SCN10A: variants seen among roughly 807,000 people sequenced by gnomAD.
SCN10A encodes the protein sodium channel protein type 10 subunit alpha.
SCN10A carries 162 observed loss-of-function variants against 170.7 expected under a neutral mutation model. That is an observed-to-expected ratio of 0.95 (90% CI 0.84 to 1.08). The LOEUF (loss-of-function observed/expected upper bound fraction) is 1.08. SCN10A is among the 50% of genes least tolerant of loss of function. SCN10A has a pLI of 0.00. For missense variants in SCN10A, 2,527 were observed against 2,436.9 expected, an observed-to-expected ratio of 1.04 and a Z score of -0.78; for synonymous variants, 985 against 904.6, an observed-to-expected ratio of 1.09 and a Z score of -1.59.
intron 21 of SCN10A, among the ~76,000 whole-genome samples, chr3:38,716,426 C>A (rs967267956): frequency 6.6e-6 from 1 of 152,012 alleles, no homozygotes; most frequent in Non-Finnish European, 1.5e-5. Context: ...TTTCCCTGCC[C>A]AACCTCTCTC....
At chr3:38,713,544 A>G (rs1450402892) in intron 22 of SCN10A, among the ~76,000 whole-genome samples, 1 of 152,072 alleles carries the variant, frequency 6.6e-6, no homozygotes, top group East Asian at 1.9e-4. Context: ...AAAGAGAACT[A>G]AGAGAGTTAG....
chr3:38,729,987 A>G (rs1488565615), intron 15 of SCN10A, among the ~76,000 whole-genome samples: 3 of 152,190 alleles, frequency 2.0e-5, no homozygotes, highest in African/African-American at 7.2e-5. Context: ...CTCTCCTCAT[A>G]TGGGAAGCAG....
In SCN10A at chr3:38,760,694, C is replaced by A. The variant is rs1028863903; in HGVS notation, c.937G>T (p.Gly313Ter). The A allele has an allele frequency of 6.8e-6, 11 of 1,613,810 alleles. No homozygotes were observed. The South Asian group carries it at 1.2e-4, about 18-fold the overall frequency. ...TTGGGAACTCACCCTGAGTCAGATCCATTGCCACACAGTAAGGGGTCAGAA... is the reference window on the plus strand; with the variant it reads ...TTGGGAACTCACCCTGAGTCAGATCAATTGCCACACAGTAAGGGGTCAGAA... ...GTSDPLLCGN[G>*]SDSGHCPDGY... Residue 313 changes from glycine (G) to a stop codon, truncating the protein, a stop_gained, in exon 8 of 28, where the codon GGA becomes TGA. Transcript: ENST00000449082. LOFTEE classifies it high-confidence loss of function.
At chr3:38,704,286 C>A (rs926983748) in intron 26 of SCN10A, among the ~76,000 whole-genome samples, 2 of 152,214 alleles carry the variant, frequency 1.3e-5, no homozygotes, top group Admixed American at 6.5e-5. Context: ...TGGCTCACAT[C>A]TTTCCTGGGG....
At position 38,752,314 on chromosome 3, in the gene SCN10A, G is replaced by T. The variant is rs2126023579; in HGVS notation, c.1660C>A (p.Leu554Ile). The change falls in exon 12 of 28, where the codon CTT becomes ATT. Residue 554 changes from leucine (L) to isoleucine (I), a missense_variant. Physicochemically the swap from Leu to Ile is conservative, Grantham distance 5. Transcript: ENST00000449082. ...GQQGPLPRSP[L>I]PQPSNPDSRH... ...GAGTCAGGGTTGCTGGGTTGAGGAA[G>T]AGGGCTTCTAGGGAGGGGGCCTTGC... The T allele has an allele frequency of 1.9e-6, 3 of 1,611,098 alleles. No individual in the cohort carries two copies. The highest frequency in any genetic ancestry group is 3.4e-5 in the Admixed American group (2 of 59,608).
intron 10 of SCN10A, 92 bp from the exon 11 acceptor site, chr3:38,756,050 A>G (rs1192252098): frequency 1.4e-6 from 2 of 1,393,656 alleles, no homozygotes; most frequent in African/African-American, 2.8e-5. Context: ...GGGGTGAGAG[A>G]TCTGAAACAG....
chr3:38,787,295 G>C (rs1368112360), intron 4 of SCN10A, among the ~76,000 whole-genome samples: 5 of 151,926 alleles, frequency 3.3e-5, no homozygotes, highest in Non-Finnish European at 7.4e-5. Context: ...AGTGTAAATG[G>C]TATTTTTAAA....
At chr3:38,740,079 T>C (rs1389365211) in intron 14 of SCN10A, among the ~76,000 whole-genome samples, 13 of 152,252 alleles carry the variant, frequency 8.5e-5, no homozygotes, top group Non-Finnish European at 1.6e-4. Context: ...TCCTAGCTTA[T>C]GTAAGCTTGG....
At chr3:38,757,834 A>C (rs1293106910) in intron 8 of SCN10A, among the ~76,000 whole-genome samples, 1 of 152,120 alleles carries the variant, frequency 6.6e-6, no homozygotes, top group African/African-American at 2.4e-5. Context: ...CCAGATTAAA[A>C]ATGACTGCCT....
intron 11 of SCN10A, among the ~76,000 whole-genome samples, chr3:38,755,448 G>A (rs2063793125): frequency 6.6e-6 from 1 of 151,820 alleles, no homozygotes; most frequent in African/African-American, 2.4e-5. Flanking sequence ...CCTACAAACC[G>A]GGGTTCTTCC....
chr3:38,748,894 G>T (rs1051379812), intron 13 of SCN10A, among the ~76,000 whole-genome samples: 1 of 152,118 alleles, frequency 6.6e-6, no homozygotes, highest in Non-Finnish European at 1.5e-5. Flanking sequence ...CAAGATACCT[G>T]ACTATTCCTT....
chr3:38,770,156 T>G (rs1271319871), intron 5 of SCN10A, among the ~76,000 whole-genome samples: 5 of 152,196 alleles, frequency 3.3e-5, no homozygotes, highest in Admixed American at 6.5e-5. Flanking sequence ...TATTCTGTCA[T>G]GAGTTGCTTT....
Position 38,728,782 on chromosome 3 carries a change from G to C in SCN10A, c.2400C>G (p.Val800=). 6.2e-7 allele frequency: 1 copy of C among 1,614,174 alleles called. No individual in the cohort carries two copies. Among genetic ancestry groups the C allele is most frequent in the Non-Finnish European group, 8.5e-7 (1 of 1,180,028 alleles). Residue 800 remains valine, a synonymous_variant, in exon 16 of 28, where the codon GTC becomes GTG. Coordinates refer to ENST00000449082, the MANE Select transcript of SCN10A (RefSeq NM_006514.4). ...LTIILAIIVF[V]FALVGKQLLG... ...GGAGCTGCTTGCCAACCAGAGCAAA[G>C]ACAAAGACAATGATGGCCAGGATGA...
At chr3:38,797,462 G>A (rs932145629) in intron 1 of SCN10A, among the ~76,000 whole-genome samples, 3 of 152,052 alleles carry the variant, frequency 2.0e-5, no homozygotes, top group Non-Finnish European at 4.4e-5. Flanking sequence ...TGTTTCTTAC[G>A]GAACTTTTCA....
chr3:38,806,578 T>C (rs2064406732), intron 1 of SCN10A, among the ~76,000 whole-genome samples: 2 of 152,142 alleles, frequency 1.3e-5, no homozygotes, highest in South Asian at 4.1e-4. Flanking sequence ...TGACCCTCAT[T>C]TCTGTAATTT....
chr3:38,714,919 C>T (rs1360079427), intron 21 of SCN10A, among the ~76,000 whole-genome samples: 5 of 152,122 alleles, frequency 3.3e-5, no homozygotes, highest in Admixed American at 6.5e-5. Flanking sequence ...TTAGCCACAC[C>T]ACAGATGGTG....
intron 1 of SCN10A, among the ~76,000 whole-genome samples, chr3:38,813,889 C>A (rs1322100178): frequency 1.3e-5 from 2 of 152,158 alleles, no homozygotes; most frequent in Non-Finnish European, 2.9e-5. Context: ...CTGTCACATT[C>A]GAATCTTATT....
chr3:38,790,338 A>T (rs2064264996), intron 3 of SCN10A, among the ~76,000 whole-genome samples: 1 of 152,028 alleles, frequency 6.6e-6, no homozygotes, highest in Non-Finnish European at 1.5e-5. Flanking sequence ...TATGAGATTT[A>T]AATGCAGACT....
intron 5 of SCN10A, among the ~76,000 whole-genome samples, chr3:38,770,524 G>A (rs2063986447): frequency 6.6e-6 from 1 of 152,042 alleles, no homozygotes; most frequent in Admixed American, 6.6e-5. Context: ...GTTCTCCAGG[G>A]AAGTGGGGGA....
Sources: gnomAD v4.1 joint callset for allele counts (sites outside exome capture counted in the v4.1 genomes callset) on GRCh38, gnomAD v4.1.1 for gene constraint, MANE v1.5 for transcripts, NCBI Gene and HGNC (gene_info 2026-07-23, HGNC 2026-07-21) for gene names.